The following ERC2 variants were observed in gnomAD, a reference collection of about 807,000 sequenced individuals.
ERC2 encodes the protein ELKS/RAB6-interacting/CAST family member 2.
ERC2 carries 42 observed loss-of-function variants against 114.8 expected under a neutral mutation model. The ratio of observed to expected loss-of-function variants is 0.37; its 90% CI spans 0.29 to 0.47. The LOEUF (loss-of-function observed/expected upper bound fraction) is 0.47. Ranked by LOEUF, ERC2 falls within the 20% of genes least tolerant of loss-of-function variation. The pLI is 0.99. For synonymous variants in ERC2, 454 were observed against 425.5 expected, an observed-to-expected ratio of 1.07 and a Z score of -0.82; for missense variants, 939 against 1,150.7, an observed-to-expected ratio of 0.82 and a Z score of 2.66.
At chr3:56,077,772 A>T (rs1049930900) in intron 7 of ERC2, among the ~76,000 whole-genome samples, 32 of 152,338 alleles carry the variant, frequency 2.1e-4, no homozygotes, top group African/African-American at 7.7e-4. Context: ...TTTATTATAT[A>T]TTCCTAAAGA....
chr3:56,140,973 G>A (rs1273221120), intron 5 of ERC2, among the ~76,000 whole-genome samples: 1 of 152,116 alleles, frequency 6.6e-6, no homozygotes, highest in Non-Finnish European at 1.5e-5. Flanking sequence ...GCAGTGAGCC[G>A]AGATCACGCC....
chr3:56,430,046 C>T (rs1213731331), intron 2 of ERC2, among the ~76,000 whole-genome samples: 5 of 152,192 alleles, frequency 3.3e-5, no homozygotes, highest in African/African-American at 9.6e-5. Context: ...ACTTCCTATA[C>T]AAGAGCATTT....
At chr3:55,647,768 G>T (rs1390583296) in intron 17 of ERC2, among the ~76,000 whole-genome samples, 1 of 152,180 alleles carries the variant, frequency 6.6e-6, no homozygotes, top group African/African-American at 2.4e-5. Flanking sequence ...TCTGATCTAG[G>T]CCCATCTTTC....
intron 17 of ERC2, among the ~76,000 whole-genome samples, chr3:55,617,567 C>A (rs893370549): frequency 1.3e-5 from 2 of 152,120 alleles, no homozygotes. Flanking sequence ...AATAAACAAG[C>A]CAGGAAAGAC....
intron 17 of ERC2, among the ~76,000 whole-genome samples, chr3:55,547,034 G>A (rs760938757): frequency 9.2e-5 from 14 of 152,250 alleles, no homozygotes; most frequent in Non-Finnish European, 1.9e-4. Flanking sequence ...ACATCTCTGA[G>A]CCTCCCTTTC....
chr3:55,872,589 A>G (rs1445105818), intron 14 of ERC2, among the ~76,000 whole-genome samples: 1 of 152,072 alleles, frequency 6.6e-6, no homozygotes, highest in African/African-American at 2.4e-5. Context: ...ACATGACAGT[A>G]GATTATAAAA....
chr3:56,032,949 A>G (rs1250111455), intron 7 of ERC2, among the ~76,000 whole-genome samples: 23 of 76,144 alleles, frequency 3.0e-4, no homozygotes, highest in Non-Finnish European at 4.1e-4. Context: ...GAAAGAAAGA[A>G]AGAAAGAAAC....
At chr3:56,151,727 G>A (rs1479368557) in intron 4 of ERC2, among the ~76,000 whole-genome samples, 1 of 152,132 alleles carries the variant, frequency 6.6e-6, no homozygotes, top group Non-Finnish European at 1.5e-5. Context: ...TATGTAAGGA[G>A]TACTATGGAA....
In ERC2 at chr3:56,434,833, A is replaced by C. The variant is rs2061947676; in HGVS notation, c.175T>G (p.Ser59Ala). 1 of 1,613,830 alleles carries C rather than the reference A, an allele frequency of 6.2e-7. No homozygotes were observed. The highest frequency in any genetic ancestry group is 1.3e-5 in the African/African-American group (1 of 74,958). Residue 59 changes from serine to alanine, a missense_variant, in exon 2 of 18, where the codon TCT becomes GCT. Ser to Ala is a moderately conservative substitution (Grantham distance 99). This residue lies in a region of ERC2 where 281 missense variants were observed against 307.4 expected (regional missense o/e 0.91). Transcript: ENST00000288221. The part of the protein sequence containing the change: ...IQSLNAAYAT[S>A]GPMYLSDHEG... ...TGATCACTCAGATACATGGGTCCAG[A>C]CGTAGCATAGGCTGCATTGAGGGAC...
At chr3:56,070,784 T>C (rs1319579695) in intron 7 of ERC2, among the ~76,000 whole-genome samples, 1 of 152,206 alleles carries the variant, frequency 6.6e-6, no homozygotes. Flanking sequence ...AAATGTGAAA[T>C]CTGTTTCCTA....
chr3:56,088,229 C>G (rs1405322910), intron 6 of ERC2, among the ~76,000 whole-genome samples: 1 of 152,152 alleles, frequency 6.6e-6, no homozygotes, highest in Non-Finnish European at 1.5e-5. Flanking sequence ...GGTTCTCCCC[C>G]AAGTCCTCAA....
At chr3:55,803,351 G>A (rs374340450) in intron 14 of ERC2, among the ~76,000 whole-genome samples, 3 of 152,154 alleles carry the variant, frequency 2.0e-5, no homozygotes, top group African/African-American at 7.2e-5. Flanking sequence ...ACATAACGAT[G>A]AAAATTTATG....
At chr3:56,112,261 C>T (rs1003313371) in intron 6 of ERC2, among the ~76,000 whole-genome samples, 2 of 152,176 alleles carry the variant, frequency 1.3e-5, no homozygotes, top group African/African-American at 4.8e-5. Flanking sequence ...ATTTTCTTGA[C>T]TCTGCTTTCT....
intron 3 of ERC2, among the ~76,000 whole-genome samples, chr3:56,258,010 A>C (rs935318637): frequency 2.0e-5 from 3 of 152,134 alleles, no homozygotes; most frequent in African/African-American, 7.2e-5. Flanking sequence ...ACAATTTTTT[A>C]AGTAGGATAA....
chr3:55,891,085 T>C (rs1335928606), intron 13 of ERC2, among the ~76,000 whole-genome samples: 1 of 152,214 alleles, frequency 6.6e-6, no homozygotes, highest in East Asian at 1.9e-4. Flanking sequence ...TAGGGTGGTT[T>C]CACAATATTC....
rs2048925918 is a variant in ERC2, at chr3:56,209,356, A to G, written c.1075-35836T>C. On this transcript the variant is annotated intron_variant, in intron 3 of 17. Coordinates refer to ENST00000288221, the MANE Select transcript of ERC2 (RefSeq NM_015576.3). ...TCCCAGACTAGACTGCCCTCTCCTA[A>G]TATACACCACAACTCTCCTTGGTCA... 2.6e-5 allele frequency among the ~76,000 whole-genome samples: 4 copies of G among 152,028 alleles called. No homozygotes were observed. The South Asian group carries it at 8.3e-4, about 32-fold the overall frequency.
At chr3:55,942,739 T>A (rs117624637) in intron 13 of ERC2, among the ~76,000 whole-genome samples, 2 of 152,306 alleles carry the variant, frequency 1.3e-5, no homozygotes, top group East Asian at 3.9e-4. Flanking sequence ...GTTACCAACT[T>A]CCCAAATGTG....
chr3:56,021,379 T>G (rs572896917), intron 7 of ERC2, among the ~76,000 whole-genome samples: 1 of 152,220 alleles, frequency 6.6e-6, no homozygotes, highest in East Asian at 1.9e-4. Flanking sequence ...TTTTAAAATG[T>G]CAATCAGGGT....
intron 17 of ERC2, among the ~76,000 whole-genome samples, chr3:55,640,867 T>C (rs1380852573): frequency 6.6e-6 from 1 of 152,196 alleles, no homozygotes; most frequent in African/African-American, 2.4e-5. Flanking sequence ...GATTTTTCTT[T>C]TGGGGACTCA....
Sources: allele counts gnomAD v4.1 joint callset (sites outside exome capture counted in the v4.1 genomes callset), GRCh38; gene constraint gnomAD v4.1.1; regional missense constraint gnomAD v4.1.1; transcripts MANE v1.5; gene names NCBI Gene and HGNC (gene_info 2026-07-23, HGNC 2026-07-21).